Variants in TULP4 observed in about 807,000 individuals in gnomAD.
TULP4 encodes TUB like protein 4, also known as tubby-related protein 4.
In TULP4, 16 loss-of-function variants were observed where a neutral mutation model predicts 129.0. The observed-to-expected ratio is 0.12, with a 90% CI of 0.08 to 0.19. The LOEUF (loss-of-function observed/expected upper bound fraction) is 0.19, where lower values mean the gene tolerates loss of function less well. Among genes scored for constraint, TULP4 ranks in the 10% least tolerant of loss-of-function variants. TULP4 has a pLI of 1.00. For synonymous variants in TULP4, 998 were observed against 854.0 expected, an observed-to-expected ratio of 1.17 and a Z score of -2.94; for missense variants, 1,842 against 2,059.1, an observed-to-expected ratio of 0.89 and a Z score of 2.04.
At chr6:158,484,709 C>A (rs2128252260) in intron 8 of TULP4, among the ~76,000 whole-genome samples, 1 of 152,344 alleles carries the variant, frequency 6.6e-6, no homozygotes, top group African/African-American at 2.4e-5. Context: ...CAGCTGTCTG[C>A]AAGCCGGGGG....
chr6:158,353,578 C>T (rs1041195788), intron 1 of TULP4, among the ~76,000 whole-genome samples: 1 of 152,070 alleles, frequency 6.6e-6, no homozygotes, highest in East Asian at 1.9e-4. Context: ...CTTTTTTCTG[C>T]ACTACCTGAA....
chr6:158,232,530 G>A (rs1306593782), intron 1 of TULP4, among the ~76,000 whole-genome samples: 4 of 151,676 alleles, frequency 2.6e-5, no homozygotes, highest in South Asian at 2.1e-4. Flanking sequence ...GGCCGTGGCC[G>A]CTGCTTGGCT....
At position 158,313,130 on chromosome 6, in the gene TULP4, C is replaced by T; in HGVS notation, c.-887C>T. On this transcript the variant is annotated 5_prime_UTR_variant, in exon 1 of 14. Coordinates refer to ENST00000367097, the MANE Select transcript of TULP4 (RefSeq NM_020245.5). ...GTCAGCAAGAGGATTTAAGACTCAC[C>T]CAGGGCAAACACTGGGACCACTGTA... is the stretch of plus-strand genomic sequence containing the variant. 4.7e-6 allele frequency: 1 copy of T among 211,900 alleles called. No homozygotes were observed. Among genetic ancestry groups the T allele is most frequent in the Non-Finnish European group, 9.3e-6 (1 of 108,076 alleles). The allele number at this position is 211,900 out of a possible 1,614,324, so 13.1% of individuals were successfully genotyped here.
intron 9 of TULP4, among the ~76,000 whole-genome samples, chr6:158,490,924 A>C (rs546789730): frequency 2.6e-4 from 39 of 152,286 alleles, no homozygotes; most frequent in South Asian, 2.3e-3. Flanking sequence ...TCTGTTTACC[A>C]ATCAATGGAT....
chr6:158,288,450 T>G (rs1455063133), intron 1 of TULP4, among the ~76,000 whole-genome samples: 3 of 151,972 alleles, frequency 2.0e-5, no homozygotes, highest in Non-Finnish European at 2.9e-5. Flanking sequence ...ATATCCTTTA[T>G]CAGAAAAAGG....
At chr6:158,311,142 C>T (rs888448197), upstream of TULP4, among the ~76,000 whole-genome samples, 4 of 152,162 alleles carry the variant, frequency 2.6e-5, no homozygotes, top group African/African-American at 9.7e-5. Flanking sequence ...TTTGCTGGGA[C>T]TTGATGCTAC....
intron 1 of TULP4, among the ~76,000 whole-genome samples, chr6:158,253,504 G>T (rs896766161): frequency 6.6e-6 from 1 of 152,134 alleles, no homozygotes; most frequent in South Asian, 2.1e-4. Context: ...TGTCAGGTGG[G>T]CTACCTGGTC....
rs185578323 is a variant in TULP4, at chr6:158,390,197, G to C, written c.253-22868G>C. 9.5e-4 allele frequency among the ~76,000 whole-genome samples: 144 copies of C among 152,098 alleles called. 2 individuals are homozygous for C. The highest frequency in any genetic ancestry group is 3.3e-3 in the African/African-American group (135 of 41,500). ...CAAAGAATCAACCATTAACAGTTTG[G>C]TATTCTCTATGAACTATTTTGCACA... On this transcript the variant is annotated intron_variant, in intron 1 of 13. Coordinates refer to ENST00000367097, the MANE Select transcript of TULP4 (RefSeq NM_020245.5).
chr6:158,508,234 G>A lies in TULP4; in HGVS notation c.*1540G>A, dbSNP rs1413824110. 6.6e-6 allele frequency: 1 copy of A among 152,164 alleles called. No individual in the cohort carries two copies. The highest frequency in any genetic ancestry group is 1.9e-4 in the East Asian group (1 of 5,192). The allele number at this position is 152,164 out of a possible 1,614,324, so 9.4% of individuals were successfully genotyped here. On this transcript the variant is annotated 3_prime_UTR_variant, in exon 14 of 14. Coordinates refer to ENST00000367097, the MANE Select transcript of TULP4 (RefSeq NM_020245.5). Reference sequence around the variant, plus strand: ...GTTTAGGATCAGGCCCCTCTCCTGGGCCTGCTGTGCAGGAGCACAGGAACT... The same window carrying A: ...GTTTAGGATCAGGCCCCTCTCCTGGACCTGCTGTGCAGGAGCACAGGAACT...
At chr6:158,307,905 C>T (rs943926064), upstream of TULP4, among the ~76,000 whole-genome samples, 7 of 151,842 alleles carry the variant, frequency 4.6e-5, no homozygotes, top group African/African-American at 1.5e-4. Context: ...TAACATCACC[C>T]CCAGTTACGT....
chr6:158,356,796 C>T (rs1294846350), intron 1 of TULP4, among the ~76,000 whole-genome samples: 1 of 151,978 alleles, frequency 6.6e-6, no homozygotes, highest in African/African-American at 2.4e-5. Context: ...CAGAGGGGAC[C>T]TGGAGGCTGG....
At chr6:158,441,513 T>C (rs767879455) in intron 3 of TULP4, among the ~76,000 whole-genome samples, 9 of 152,222 alleles carry the variant, frequency 5.9e-5, no homozygotes, top group Admixed American at 1.3e-4. Context: ...TTTAGCCAGA[T>C]GGTGAACTAC....
intron 2 of TULP4, among the ~76,000 whole-genome samples, chr6:158,421,231 A>G (rs529453565): frequency 4.6e-5 from 7 of 152,188 alleles, no homozygotes; most frequent in South Asian, 4.2e-4. Context: ...GCGTGGTGGC[A>G]CGCGCCTGTA....
chr6:158,275,930 A>G (rs756681621), intron 1 of TULP4, among the ~76,000 whole-genome samples: 1 of 152,134 alleles, frequency 6.6e-6, no homozygotes, highest in Non-Finnish European at 1.5e-5. Flanking sequence ...TACTTTCTAA[A>G]TATTGAGCAG....
chr6:158,305,326 T>C (rs1442429742), intron 1 of TULP4, among the ~76,000 whole-genome samples: 1 of 72,450 alleles, frequency 1.4e-5, no homozygotes, highest in Non-Finnish European at 2.6e-5. Flanking sequence ...TCTGTGTGCG[T>C]GTGTGTGTGT....
intron 1 of TULP4, among the ~76,000 whole-genome samples, chr6:158,378,774 C>T (rs1052898515): frequency 2.1e-5 from 3 of 145,818 alleles, no homozygotes; most frequent in African/African-American, 4.9e-5. Flanking sequence ...CATGCGCTAC[C>T]GCGCCTGGCC....
At chr6:158,470,410 C>T (rs977458278) in intron 6 of TULP4, among the ~76,000 whole-genome samples, 2 of 152,226 alleles carry the variant, frequency 1.3e-5, no homozygotes, top group Non-Finnish European at 2.9e-5. Flanking sequence ...GGCTTGAATG[C>T]CTGGGTTTAT....
chr6:158,367,704 G>A (rs1164116477), intron 1 of TULP4, among the ~76,000 whole-genome samples: 2 of 152,084 alleles, frequency 1.3e-5, no homozygotes, highest in Non-Finnish European at 2.9e-5. Context: ...ATTCCGTCAG[G>A]TGGTTCTCAA....
rs771414052 is a variant in TULP4, at chr6:158,489,743, T to A, written c.1631+11T>A. 1.2e-5 allele frequency: 20 copies of A among 1,613,974 alleles called. No individual in the cohort carries two copies. The highest frequency in any genetic ancestry group is 1.7e-5 in the Non-Finnish European group (20 of 1,180,008). On this transcript the variant is annotated intron_variant, in intron 9 of 13. Transcript: ENST00000367097. ...ACCCAAACTCCCAAGGTAATCTCAG[T>A]CTTTGGGGAGATCGTCCTTTCTTGT...
Sources: gnomAD v4.1 joint callset for allele counts (sites outside exome capture counted in the v4.1 genomes callset) on GRCh38, gnomAD v4.1.1 for gene constraint, MANE v1.5 for transcripts, NCBI Gene and HGNC (gene_info 2026-07-23, HGNC 2026-07-21) for gene names.